The following TSNARE1 variants were observed in gnomAD, a reference collection of about 807,000 sequenced individuals.
TSNARE1 encodes t-SNARE domain-containing protein 1.
TSNARE1 carries 49 observed loss-of-function variants against 62.0 expected under a neutral mutation model. That is an observed-to-expected ratio of 0.79 (90% CI 0.63 to 1.00). TSNARE1 has a LOEUF of 1.00. TSNARE1 is among the 50% of genes least tolerant of loss of function. TSNARE1 has a pLI of 0.00. For missense variants in TSNARE1, 755 were observed against 700.1 expected (o/e 1.08, Z -0.88); for synonymous variants, 328 against 294.4 (o/e 1.11, Z -1.17).
At chr8:142,306,612 G>A (rs1379599034) in intron 9 of TSNARE1, among the ~76,000 whole-genome samples, 1 of 152,208 alleles carries the variant, frequency 6.6e-6, no homozygotes, top group East Asian at 1.9e-4. Context: ...GGCAGCAAGT[G>A]CCCCTCGCAC....
chr8:142,263,076 C>G (rs971332086), intron 12 of TSNARE1, among the ~76,000 whole-genome samples: 3 of 152,128 alleles, frequency 2.0e-5, no homozygotes, highest in Admixed American at 2.0e-4. Flanking sequence ...TAACTGAGCC[C>G]AGCTAGCACC....
chr8:142,232,988 C>T (rs1445965388), intron 12 of TSNARE1, among the ~76,000 whole-genome samples: 1 of 152,234 alleles, frequency 6.6e-6, no homozygotes, highest in African/African-American at 2.4e-5. Flanking sequence ...CTGCAGCCCC[C>T]TGGGCCTTTC....
intron 13 of TSNARE1, among the ~76,000 whole-genome samples, chr8:142,223,014 A>C: frequency 6.7e-6 from 1 of 148,560 alleles, no homozygotes; most frequent in African/African-American, 2.5e-5. Flanking sequence ...TCATTTACTC[A>C]CTCACTCAGC....
At chr8:142,326,377 G>A (rs113850495) in intron 6 of TSNARE1, among the ~76,000 whole-genome samples, 1 of 90,664 alleles carries the variant, frequency 1.1e-5, no homozygotes, top group East Asian at 3.9e-4. Flanking sequence ...GCCCCAGAGA[G>A]CACGAGACGG....
chr8:142,248,874 G>A (rs981526897), intron 12 of TSNARE1, among the ~76,000 whole-genome samples: 1 of 152,226 alleles, frequency 6.6e-6, no homozygotes, highest in Non-Finnish European at 1.5e-5. Flanking sequence ...GGAGCAGGGG[G>A]CAGCTGAGGG....
At chr8:142,303,513 C>T (rs1826129534) in intron 9 of TSNARE1, among the ~76,000 whole-genome samples, 2 of 152,230 alleles carry the variant, frequency 1.3e-5, no homozygotes, top group African/African-American at 4.8e-5. Context: ...AGGGCTCCGC[C>T]CCGTCTCACA....
chr8:142,253,761 T>C (rs1427189664), intron 12 of TSNARE1, among the ~76,000 whole-genome samples: 1 of 152,214 alleles, frequency 6.6e-6, no homozygotes. Flanking sequence ...CGCAGGACCC[T>C]GCGGCTGGTC....
At chr8:142,339,825 C>A (rs569737577) in intron 4 of TSNARE1, among the ~76,000 whole-genome samples, 20 of 152,360 alleles carry the variant, frequency 1.3e-4, no homozygotes, top group Admixed American at 1.3e-3. Flanking sequence ...CAGCGGAGAG[C>A]AGCGGCCCTG....
chr8:142,295,351 C>A (rs145512046), intron 10 of TSNARE1, among the ~76,000 whole-genome samples: 5 of 152,232 alleles, frequency 3.3e-5, no homozygotes, highest in Non-Finnish European at 5.9e-5. Context: ...TGGCCTCCCC[C>A]ACTGGGAAGT....
intron 4 of TSNARE1, among the ~76,000 whole-genome samples, chr8:142,333,419 A>G (rs1831332662): frequency 2.0e-5 from 3 of 152,194 alleles, no homozygotes; most frequent in Non-Finnish European, 4.4e-5. Context: ...ACAATTTTCC[A>G]TATTAAAATT....
chr8:142,277,005 C>A lies in TSNARE1; in HGVS notation c.1364-2142G>T, dbSNP rs150800975. On this transcript the variant is annotated intron_variant, in intron 11 of 13. Coordinates refer to ENST00000524325, the MANE Select transcript of TSNARE1 (RefSeq NM_145003.5). ...GAGGGGGGCTGCTCCCGGTGCTGTG[C>A]GGCCGCGTGTTGCTCGTGGGGTGAG... 5.4e-3 allele frequency: 5,359 copies of A among 985,456 alleles called. 16 individuals are homozygous for A. The highest frequency in any genetic ancestry group is 0.015 in the Middle Eastern group (29 of 1,914). The allele number at this position is 985,456 out of a possible 1,614,324, so 61.0% of individuals were successfully genotyped here. A position where few individuals can be genotyped will look rare whatever the true frequency, so the allele number is the denominator to read the frequency against.
chr8:142,294,523 C>A, intron 10 of TSNARE1, among the ~76,000 whole-genome samples: 1 of 152,182 alleles, frequency 6.6e-6, no homozygotes, highest in East Asian at 1.9e-4. Flanking sequence ...CGGCAGCTGG[C>A]GGCCCTGCTG....
Position 142,250,544 on chromosome 8 carries a change from C to T in TSNARE1, c.1447-20965G>A, listed in dbSNP as rs977797693. On this transcript the variant is annotated intron_variant, in intron 12 of 13. Transcript: ENST00000524325. Reference sequence around the variant, plus strand: ...AGGCATCTGGAGCAGGTTCCAGGCCCGATCGCAGTAGCCTGCTGCCGCTTG... The same window carrying T: ...AGGCATCTGGAGCAGGTTCCAGGCCTGATCGCAGTAGCCTGCTGCCGCTTG... 3.9e-5 allele frequency among the ~76,000 whole-genome samples: 6 copies of T among 152,332 alleles called. No individual in the cohort carries two copies. The East Asian group carries it at 1.2e-3, about 29-fold the overall frequency.
intron 11 of TSNARE1, chr8:142,278,012 G>T: frequency 1.0e-6 from 1 of 985,398 alleles, no homozygotes; most frequent in Non-Finnish European, 1.2e-6. Flanking sequence ...CCCTTCAGGA[G>T]ACAATGTGGC....
chr8:142,283,790 G>A lies in TSNARE1; in HGVS notation c.1363+623C>T, dbSNP rs1317418701. 3.8e-5 allele frequency among the ~76,000 whole-genome samples: 5 copies of A among 132,798 alleles called. No homozygotes were observed. The East Asian group carries it at 1.1e-3, about 30-fold the overall frequency. 87.1% of individuals were successfully genotyped at this position (132,798 alleles called of 152,430 possible). A position where few individuals can be genotyped will look rare whatever the true frequency, so the allele number is the denominator to read the frequency against. ...GACAGCGTCAATGAACAGAGGCGGG[G>A]CCAGTGTCTGTCAATGAGCGGAGGT... On this transcript the variant is annotated intron_variant, in intron 11 of 13. Coordinates refer to ENST00000524325, the MANE Select transcript of TSNARE1 (RefSeq NM_145003.5).
chr8:142,321,760 G>T (rs914358860), intron 6 of TSNARE1, among the ~76,000 whole-genome samples: 11 of 152,120 alleles, frequency 7.2e-5, no homozygotes, highest in Admixed American at 7.2e-4. Context: ...GACTCAAAAA[G>T]AAATAGAAAA....
intron 1 of TSNARE1, among the ~76,000 whole-genome samples, chr8:142,374,219 G>A (rs955739247): frequency 1.3e-5 from 2 of 151,690 alleles, no homozygotes; most frequent in African/African-American, 2.4e-5. Context: ...CAGGAGAATC[G>A]CTTGAACCCA....
chr8:142,272,886 T>G (rs909070663), intron 12 of TSNARE1: 35 of 983,760 alleles, frequency 3.6e-5, no homozygotes, highest in Non-Finnish European at 3.9e-5. Flanking sequence ...CCTGACACCG[T>G]GGGGAAGGCC....
intron 12 of TSNARE1, among the ~76,000 whole-genome samples, chr8:142,242,642 T>C (rs907578746): frequency 6.6e-6 from 1 of 152,160 alleles, no homozygotes; most frequent in African/African-American, 2.4e-5. Context: ...AGGACCTGAA[T>C]AGACATTTCT....
Sources: allele counts gnomAD v4.1 joint callset (sites outside exome capture counted in the v4.1 genomes callset), GRCh38; gene constraint gnomAD v4.1.1; transcripts MANE v1.5; gene names NCBI Gene and HGNC (gene_info 2026-07-23, HGNC 2026-07-21).